The following AEBP2 variants were observed in gnomAD, a reference collection of about 807,000 sequenced individuals.
AEBP2 encodes zinc finger protein AEBP2.
A neutral mutation model predicts 50.8 loss-of-function variants in AEBP2; 10 were observed. That is an observed-to-expected ratio of 0.20 (90% confidence interval 0.12 to 0.33). The LOEUF (loss-of-function observed/expected upper bound fraction) is 0.33. Ranked by LOEUF, AEBP2 falls within the 10% of genes least tolerant of loss-of-function variation. The probability of loss-of-function intolerance (pLI) is 1.00; values close to 1 mark genes in which losing one functional copy is unlikely to be tolerated. For synonymous variants in AEBP2, 296 were observed against 261.3 expected, an observed-to-expected ratio of 1.13 and a Z score of -1.28; for missense variants, 570 against 688.0, an observed-to-expected ratio of 0.83 and a Z score of 1.92.
chr12:19,447,281 AC>A (rs1328566086), intron 1 of AEBP2, among the ~76,000 whole-genome samples: 6 of 152,198 alleles, frequency 3.9e-5, no homozygotes, highest in South Asian at 4.1e-4. Flanking sequence ...TTCAAGTCTT[AC>A]GTTGAACAGG....
intron 5 of AEBP2, among the ~76,000 whole-genome samples, chr12:19,503,977 A>C (rs1949119359): frequency 6.6e-6 from 1 of 151,914 alleles, no homozygotes; most frequent in African/African-American, 2.4e-5. Flanking sequence ...GACCACAGGC[A>C]TGAGCTACCA....
At chr12:19,514,263 G>A (rs1949286708) in intron 6 of AEBP2, among the ~76,000 whole-genome samples, 1 of 152,122 alleles carries the variant, frequency 6.6e-6, no homozygotes, top group Non-Finnish European at 1.5e-5. Flanking sequence ...GCCTCCCAAA[G>A]TGCTGGAATT....
intron 1 of AEBP2, among the ~76,000 whole-genome samples, chr12:19,421,794 G>C (rs974794328): frequency 6.6e-6 from 1 of 152,170 alleles, no homozygotes; most frequent in East Asian, 1.9e-4. Flanking sequence ...CATGAGGAGG[G>C]TGTTCCAGGA....
chr12:19,453,761 T>C (rs1948210814), intron 1 of AEBP2, among the ~76,000 whole-genome samples: 1 of 152,158 alleles, frequency 6.6e-6, no homozygotes, highest in Non-Finnish European at 1.5e-5. Context: ...TTGTGGATGA[T>C]ACATGTTTAT....
intron 3 of AEBP2, among the ~76,000 whole-genome samples, chr12:19,489,766 A>G (rs1237385255): frequency 6.6e-6 from 1 of 151,638 alleles, no homozygotes; most frequent in Non-Finnish European, 1.5e-5. Context: ...GCCTAAAATT[A>G]TTTTTTCCTT....
chr12:19,413,472 T>C, intron 1 of AEBP2: 13 of 1,072,590 alleles, frequency 1.2e-5, no homozygotes, highest in Non-Finnish European at 1.6e-5. Context: ...CTACAAGTGC[T>C]CACAGACTAG....
intron 4 of AEBP2, 67 bp downstream of exon 4, chr12:19,494,053 A>G (rs1032779996): frequency 3.5e-6 from 5 of 1,441,916 alleles, no homozygotes; most frequent in Non-Finnish European, 4.7e-6. Flanking sequence ...ACTTTTATGC[A>G]AATCCACTTT....
chr12:19,512,669 CTT>C (rs375847006), intron 6 of AEBP2, among the ~76,000 whole-genome samples: 16,913 of 147,094 alleles, frequency 0.11, 1,062 homozygotes, highest in Middle Eastern at 0.17. Context: ...AGCCCCCCCT[CTT>C]TTTTTTTTTG....
intron 1 of AEBP2, among the ~76,000 whole-genome samples, chr12:19,447,941 A>G (rs1948101756): frequency 1.3e-5 from 2 of 152,212 alleles, no homozygotes; most frequent in African/African-American, 4.8e-5. Flanking sequence ...TTAAACAAAT[A>G]GATAATGGAT....
At chr12:19,449,198 A>C (rs1300191862) in intron 1 of AEBP2, among the ~76,000 whole-genome samples, 1 of 152,184 alleles carries the variant, frequency 6.6e-6, no homozygotes, top group Non-Finnish European at 1.5e-5. Flanking sequence ...TTATGATTTA[A>C]TACTAATTAA....
intron 1 of AEBP2, among the ~76,000 whole-genome samples, chr12:19,406,930 A>C (rs980393506): frequency 6.6e-6 from 1 of 152,184 alleles, no homozygotes; most frequent in African/African-American, 2.4e-5. Context: ...CCAGTTGTTC[A>C]ACAACATTTG....
At chr12:19,504,089 A>G (rs1949121185) in intron 5 of AEBP2, among the ~76,000 whole-genome samples, 1 of 152,182 alleles carries the variant, frequency 6.6e-6, no homozygotes, top group South Asian at 2.1e-4. Context: ...CGTGCTTGAC[A>G]TAATGTAGGT....
chr12:19,457,723 G>T, intron 1 of AEBP2: 1 of 904,914 alleles, frequency 1.1e-6, no homozygotes, highest in Non-Finnish European at 1.5e-6. Context: ...AAAAAAGCTA[G>T]TCAGAGAGAT....
chr12:19,451,199 C>T lies in AEBP2; in HGVS notation c.671+10829C>T, dbSNP rs73071053. On this transcript the variant is annotated intron_variant, in intron 1 of 7. Coordinates refer to ENST00000266508, the MANE Select transcript of AEBP2 (RefSeq NM_153207.5). ...GACAGCATTTATTTTACTTATGAAT[C>T]TATGATTTGGGCCGGGTTCTGCAGG... Among the ~76,000 whole-genome samples the T allele has an allele frequency of 8.3e-3, 1,257 of 152,280 alleles. 4 individuals carry two copies. Among genetic ancestry groups the T allele is most frequent in the Non-Finnish European group, 0.013 (895 of 68,024 alleles).
Position 19,519,005 on chromosome 12 carries a change from T to C in AEBP2, c.*888T>C, listed in dbSNP as rs1466467371. 8 of 200,922 alleles carry C rather than the reference T, an allele frequency of 4.0e-5. No individual in the cohort carries two copies. Among genetic ancestry groups the C allele is most frequent in the Non-Finnish European group, 6.0e-5 (6 of 100,336 alleles). 12.4% of individuals were successfully genotyped at this position (200,922 alleles called of 1,614,324 possible). A position where few individuals can be genotyped will look rare whatever the true frequency, so the allele number is the denominator to read the frequency against. ...TTGTTTTTTCTTAATGTAAGAAAAA[T>C]TGTATTTTTTTTACAAGTATCTTCA... On this transcript the variant is annotated 3_prime_UTR_variant, in exon 8 of 8. Coordinates refer to ENST00000266508, the MANE Select transcript of AEBP2 (RefSeq NM_153207.5).
At chr12:19,450,220 G>T (rs1277492726) in intron 1 of AEBP2, among the ~76,000 whole-genome samples, 2 of 151,862 alleles carry the variant, frequency 1.3e-5, no homozygotes, top group Non-Finnish European at 2.9e-5. Context: ...CCACCCCATT[G>T]CCCTGGGAAG....
In AEBP2 at chr12:19,512,468, A is replaced by G; in HGVS notation, c.1367+3A>G. Reference sequence around the variant, plus strand: ...CTTCATTGGATGCCTGAAGACATGTAAGTATTTGAAATATTATGCCTTAGT... The same window carrying G: ...CTTCATTGGATGCCTGAAGACATGTGAGTATTTGAAATATTATGCCTTAGT... On this transcript the variant is annotated splice_donor_region_variant and intron_variant, in intron 6 of 7. Coordinates refer to ENST00000266508, the MANE Select transcript of AEBP2 (RefSeq NM_153207.5). The G allele has an allele frequency of 1.9e-6, 3 of 1,544,554 alleles. No individual in the cohort carries two copies. Among genetic ancestry groups the G allele is most frequent in the Non-Finnish European group, 2.6e-6 (3 of 1,138,868 alleles).
chr12:19,509,022 A>AAG, intron 5 of AEBP2: 1 of 571,862 alleles, frequency 1.7e-6, no homozygotes, highest in South Asian at 1.5e-5. Flanking sequence ...AACGTTGGGA[A>AAG]AGCACCAAAA....
intron 4 of AEBP2, 23 bp downstream of exon 4, chr12:19,494,009 C>A: frequency 6.4e-7 from 1 of 1,562,706 alleles, no homozygotes; most frequent in Admixed American, 2.0e-5. Flanking sequence ...CTGAGAAAAT[C>A]TGGTGTATTT....
Sources: allele counts gnomAD v4.1 joint callset (sites outside exome capture counted in the v4.1 genomes callset), GRCh38; gene constraint gnomAD v4.1.1; transcripts MANE v1.5; gene names NCBI Gene and HGNC (gene_info 2026-07-23, HGNC 2026-07-21).